CCDC57: variants seen among roughly 807,000 people sequenced by gnomAD.
CCDC57 encodes coiled-coil domain containing 57.
In CCDC57, 118 loss-of-function variants were observed where a neutral mutation model predicts 118.9. That is an observed-to-expected ratio of 0.99 (90% CI 0.86 to 1.16). The LOEUF (loss-of-function observed/expected upper bound fraction) is 1.16, where lower values mean the gene tolerates loss of function less well. CCDC57 is among the 50% of genes most tolerant of loss of function. The pLI is 0.00. For synonymous variants in CCDC57, 527 were observed against 532.9 expected, an observed-to-expected ratio of 0.99 and a Z score of 0.15; for missense variants, 1,300 against 1,320.7, an observed-to-expected ratio of 0.98 and a Z score of 0.24.
intron 15 of CCDC57, chr17:82,154,130 T>C (rs2042394166): frequency 6.6e-6 from 1 of 152,354 alleles, no homozygotes. Context: ...GTTTTGTATT[T>C]TAAGGGCTAG....
At chr17:82,206,132 C>G (rs934053584) in intron 2 of CCDC57, among the ~76,000 whole-genome samples, 3 of 152,222 alleles carry the variant, frequency 2.0e-5, no homozygotes, top group African/African-American at 7.2e-5. Context: ...CCTCGCTGTG[C>G]GTTCACCCTC....
At chr17:82,101,657 AG>A (rs1406981196) in exon 20 of CCDC57, 1 of 1,547,902 alleles carries the variant, frequency 6.5e-7, no homozygotes. Flanking sequence ...AGCACCCCTT[AG>A]TGGGGCGGGG....
At chr17:82,200,418 C>T (rs1465670899) in intron 3 of CCDC57, among the ~76,000 whole-genome samples, 1 of 152,202 alleles carries the variant, frequency 6.6e-6, no homozygotes, top group African/African-American at 2.4e-5. Context: ...CATTCCACCA[C>T]AGTATCTTCT....
At chr17:82,148,609 T>G (rs1598913796) in intron 16 of CCDC57, among the ~76,000 whole-genome samples, 1 of 68,276 alleles carries the variant, frequency 1.5e-5, no homozygotes, top group African/African-American at 5.8e-5. Context: ...GATAGATGGA[T>G]GGGTGGGTGA....
intron 16 of CCDC57, among the ~76,000 whole-genome samples, chr17:82,148,660 ATGAG>A (rs2041324445): frequency 1.6e-5 from 1 of 61,624 alleles, no homozygotes; most frequent in African/African-American, 6.2e-5. Flanking sequence ...GAATAGATGA[ATGAG>A]TGGGTGGATG....
chr17:82,158,954 GCAACCCTCCCACTGGGCT>G (rs2043001595), intron 14 of CCDC57, among the ~76,000 whole-genome samples: 1 of 152,134 alleles, frequency 6.6e-6, no homozygotes, highest in Non-Finnish European at 1.5e-5. Context: ...CTGGGCTCAA[GCAACCCTCCCACTGGGCT>G]CAAGTAATCC....
intron 18 of CCDC57, 45 bp downstream of exon 17, chr17:82,128,448 C>T: frequency 7.1e-7 from 1 of 1,408,500 alleles, no homozygotes; most frequent in Non-Finnish European, 9.7e-7. Context: ...TCCCTGCTGG[C>T]CACACCCCAC....
intron 3 of CCDC57, among the ~76,000 whole-genome samples, chr17:82,198,802 A>G (rs1490229517): frequency 1.3e-5 from 2 of 151,876 alleles, no homozygotes; most frequent in African/African-American, 4.8e-5. Context: ...CATCCTGGCT[A>G]ACACGGTGAA....
intron 1 of CCDC57, among the ~76,000 whole-genome samples, chr17:82,211,111 C>G (rs1169588448): frequency 6.6e-6 from 1 of 151,932 alleles, no homozygotes; most frequent in African/African-American, 2.4e-5. Context: ...AGGGAAGGAC[C>G]CTAACTTTAT....
At chr17:82,114,544 G>C (rs1173685107) in intron 19 of CCDC57, among the ~76,000 whole-genome samples, 1 of 152,194 alleles carries the variant, frequency 6.6e-6, no homozygotes, top group Non-Finnish European at 1.5e-5. Flanking sequence ...GAGGGAGGGA[G>C]TGTGTCCTCG....
intron 10 of CCDC57, 84 bp from the exon 10 acceptor site, chr17:82,178,689 T>G: frequency 6.5e-7 from 1 of 1,539,040 alleles, no homozygotes; most frequent in Non-Finnish European, 8.7e-7. Context: ...CACACATAGG[T>G]GGGAGATGCT....
At chr17:82,145,178 A>G (rs1439391350) in intron 16 of CCDC57, among the ~76,000 whole-genome samples, 13 of 147,780 alleles carry the variant, frequency 8.8e-5, no homozygotes, top group Non-Finnish European at 1.8e-4. Flanking sequence ...GTGCCCCAAC[A>G]CTTGGCTAAT....
chr17:82,194,212 C>T, intron 5 of CCDC57, 73 bp from the exon 5 acceptor site: 1 of 1,468,406 alleles, frequency 6.8e-7, no homozygotes, highest in Non-Finnish European at 9.3e-7. Context: ...GTACATACTG[C>T]TGTTTTATCA....
intron 2 of CCDC57, among the ~76,000 whole-genome samples, chr17:82,204,967 A>C (rs1295987270): frequency 6.6e-6 from 1 of 152,182 alleles, no homozygotes; most frequent in African/African-American, 2.4e-5. Context: ...CCTGAACATC[A>C]CTGCAGGGAA....
chr17:82,133,889 CAAACCAAAACA>C (rs1179431933), intron 17 of CCDC57, among the ~76,000 whole-genome samples, 173 bp downstream of exon 16: 1 of 151,916 alleles, frequency 6.6e-6, no homozygotes, highest in African/African-American at 2.4e-5. Flanking sequence ...GAACCAAAAC[CAAACCAAAACA>C]AAACAAAAAC....
chr17:82,202,326 G>A (rs1039502072), intron 2 of CCDC57, among the ~76,000 whole-genome samples: 1 of 151,970 alleles, frequency 6.6e-6, no homozygotes, highest in African/African-American at 2.4e-5. Context: ...AAATTAGCCT[G>A]CTGTGGTGGC....
chr17:82,180,000 C>G (rs2046003964), intron 9 of CCDC57, among the ~76,000 whole-genome samples: 1 of 152,224 alleles, frequency 6.6e-6, no homozygotes, highest in African/African-American at 2.4e-5. Context: ...GGGGAGAGGT[C>G]CCTCCTGTCC....
chr17:82,126,437 T>C, intron 19 of CCDC57: 1 of 981,658 alleles, frequency 1.0e-6, no homozygotes, highest in African/African-American at 1.7e-5. Flanking sequence ...AAGGCCTAAT[T>C]TCTATCACAT....
chr17:82,151,055 C>G (rs1598946322), intron 16 of CCDC57, among the ~76,000 whole-genome samples: 1 of 93,088 alleles, frequency 1.1e-5, no homozygotes, highest in African/African-American at 4.1e-5. Context: ...AGAACCTGAC[C>G]CGCACCCAGA....
Sources: allele counts gnomAD v4.1 joint callset (sites outside exome capture counted in the v4.1 genomes callset), GRCh38; gene constraint gnomAD v4.1.1; transcripts MANE v1.5; gene names NCBI Gene and HGNC (gene_info 2026-07-23, HGNC 2026-07-21).